The following SARDH variants were observed in gnomAD, a reference collection of about 807,000 sequenced individuals.
SARDH encodes sarcosine dehydrogenase.
In SARDH, 95 loss-of-function variants were observed where a neutral mutation model predicts 109.1. The ratio of observed to expected loss-of-function variants is 0.87; its 90% CI spans 0.74 to 1.03. The LOEUF is 1.03. SARDH is among the 50% of genes least tolerant of loss of function. The pLI, the probability that SARDH is intolerant of heterozygous loss-of-function variation, is 0.00. For missense variants in SARDH, 1,267 were observed against 1,287.8 expected, an observed-to-expected ratio of 0.98 and a Z score of 0.25; for synonymous variants, 572 against 534.8, an observed-to-expected ratio of 1.07 and a Z score of -0.96.
At chr9:133,711,642 C>A (rs1831922748) in intron 10 of SARDH, among the ~76,000 whole-genome samples, 1 of 152,148 alleles carries the variant, frequency 6.6e-6, no homozygotes, top group Non-Finnish European at 1.5e-5. Context: ...CCTCATCAGG[C>A]CAGGAAAGGA....
chr9:133,703,221 A>C, intron 12 of SARDH, 192 bp from the exon 13 acceptor site: 4 of 589,394 alleles, frequency 6.8e-6, no homozygotes, highest in Non-Finnish European at 6.1e-6. Context: ...CAGAGGCACA[A>C]AGGAGGCCGC....
chr9:133,685,616 C>T (rs1830858558), intron 16 of SARDH, among the ~76,000 whole-genome samples: 1 of 152,112 alleles, frequency 6.6e-6, no homozygotes, highest in African/African-American at 2.4e-5. Flanking sequence ...AGCCCACAGG[C>T]CAGGAGGAAC....
At chr9:133,727,772 C>A (rs755403070) in intron 6 of SARDH, among the ~76,000 whole-genome samples, 160 of 152,310 alleles carry the variant, frequency 1.1e-3, no homozygotes, top group Non-Finnish European at 1.5e-3. Flanking sequence ...AGTAACACCC[C>A]CTAGCTTCGC....
intron 20 of SARDH, among the ~76,000 whole-genome samples, chr9:133,665,455 T>G (rs777287825): frequency 4.1e-4 from 63 of 152,120 alleles, no homozygotes; most frequent in Non-Finnish European, 4.0e-4. Context: ...CCCCACATAT[T>G]AAGACTCACT....
At chr9:133,710,194 G>A (rs1379396902) in intron 10 of SARDH, among the ~76,000 whole-genome samples, 1 of 152,220 alleles carries the variant, frequency 6.6e-6, no homozygotes, top group Non-Finnish European at 1.5e-5. Flanking sequence ...GCGTCCACAC[G>A]CATGAGCCTC....
downstream of SARDH, among the ~76,000 whole-genome samples, chr9:133,661,832 C>T (rs1832420769): frequency 6.6e-6 from 1 of 152,192 alleles, no homozygotes; most frequent in Non-Finnish European, 1.5e-5. Flanking sequence ...AGGCAGTACT[C>T]AGCCACAGTG....
intron 17 of SARDH, among the ~76,000 whole-genome samples, chr9:133,680,856 G>A (rs951471850): frequency 3.3e-5 from 5 of 152,240 alleles, no homozygotes; most frequent in African/African-American, 9.6e-5. Context: ...GGAGAGGGAC[G>A]AGAAGCCAGT....
At chr9:133,687,396 A>T (rs530656205) in intron 16 of SARDH, among the ~76,000 whole-genome samples, 99 of 152,308 alleles carry the variant, frequency 6.5e-4, no homozygotes, top group Non-Finnish European at 4.0e-4. Flanking sequence ...TTGGGCTCCC[A>T]AGTAGCTGCG....
chr9:133,684,480 A>C (rs1830813878), intron 17 of SARDH, among the ~76,000 whole-genome samples: 1 of 152,208 alleles, frequency 6.6e-6, no homozygotes, highest in South Asian at 2.1e-4. Flanking sequence ...CGAGAAGTCA[A>C]AGCAGATGCC....
chr9:133,717,372 G>T lies in SARDH; in HGVS notation c.1104C>A (p.Val368=), dbSNP rs1832163786. Residue 368 remains valine, a synonymous_variant, in exon 8 of 21, where the codon GTC becomes GTA. Coordinates refer to ENST00000439388, the MANE Select transcript of SARDH (RefSeq NM_001134707.2). The stretch of plus-strand genomic sequence containing the variant: ...TGATTCCTGTCTTCTCCAGCACGGG[G>T]ACCCTGTTGATGGCGCCTTCAATGT... ...TQHIEGAINR[V]PVLEKTGIKS... 1 of 1,614,016 alleles carries T rather than the reference G, an allele frequency of 6.2e-7. No homozygotes were observed. Among genetic ancestry groups the T allele is most frequent in the African/African-American group, 1.3e-5 (1 of 74,926 alleles).
chr9:133,685,459 A>C (rs1830852268), intron 16 of SARDH, among the ~76,000 whole-genome samples, 173 bp from the exon 17 acceptor site: 1 of 152,226 alleles, frequency 6.6e-6, no homozygotes, highest in South Asian at 2.1e-4. Flanking sequence ...CCAAATATAC[A>C]TAAGACAGCC....
rs1461516388 is a variant in SARDH, at chr9:133,674,413, C to A, written c.2164-2716G>T. On this transcript the variant is annotated intron_variant, in intron 17 of 20. Transcript: ENST00000439388. ...GGTGGGCTCTGAAAGCCCCAAATTGCAAGATGGAACTCCTGGCCGTGGATG... is the reference window on the plus strand; with the variant it reads ...GGTGGGCTCTGAAAGCCCCAAATTGAAAGATGGAACTCCTGGCCGTGGATG... 2.0e-5 allele frequency among the ~76,000 whole-genome samples: 3 copies of A among 152,334 alleles called. No individual in the cohort carries two copies. The East Asian group carries it at 5.8e-4, about 29-fold the overall frequency.
rs541939694 is a variant in SARDH at position 133,716,797 on chromosome 9, G to A, written c.1150+529C>T. Among the ~76,000 whole-genome samples, 7 of 152,302 alleles carry A rather than the reference G, an allele frequency of 4.6e-5. No individual in the cohort carries two copies. The South Asian group carries it at 1.4e-3, about 32-fold the overall frequency. ...CTGAGCTGGCCTCCAGGTGCAAGCC[G>A]CCAAGAACAGGAGGGAGGCCAGCAG... On this transcript the variant is annotated intron_variant, in intron 8 of 20. Transcript: ENST00000439388.
chr9:133,673,128 G>C (rs1270267750), intron 17 of SARDH, among the ~76,000 whole-genome samples: 4 of 152,244 alleles, frequency 2.6e-5, no homozygotes, highest in Non-Finnish European at 5.9e-5. Flanking sequence ...CTTTGGGAGG[G>C]TGTGTCCCGC....
chr9:133,673,012 G>A (rs1350289940), intron 17 of SARDH, among the ~76,000 whole-genome samples: 1 of 152,240 alleles, frequency 6.6e-6, no homozygotes, highest in African/African-American at 2.4e-5. Context: ...CCTTGCAACG[G>A]TGGGAACACG....
Position 133,732,599 on chromosome 9 carries a change from G to A in SARDH, c.334C>T (p.Leu112=). Residue 112 remains leucine (L), a splice_region_variant and synonymous_variant, in exon 3 of 21, where the codon CTG becomes TTG. Coordinates refer to ENST00000439388, the MANE Select transcript of SARDH (RefSeq NM_001134707.2). The part of the protein sequence containing the change: ...TSGTTWHTAG[L]LWQLRPSDVE... The stretch of plus-strand genomic sequence containing the variant: ...TCACTGGGCCGCAGCTGCCACAGCA[G>A]GCCTGCCCGGGAGGGTGGGTGCCAT... The A allele has an allele frequency of 1.2e-6, 2 of 1,602,930 alleles. No homozygotes were observed. The highest frequency in any genetic ancestry group is 1.7e-5 in the Admixed American group (1 of 59,356).
At chr9:133,665,928 G>T (rs1830049600) in intron 20 of SARDH, among the ~76,000 whole-genome samples, 1 of 152,228 alleles carries the variant, frequency 6.6e-6, no homozygotes, top group South Asian at 2.1e-4. Flanking sequence ...CGTCAGATCG[G>T]CTCCCATGGA....
At position 133,734,084 on chromosome 9, in the gene SARDH, G is replaced by C. The variant is rs747936046; in HGVS notation, c.90C>G (p.Ser30Arg). The C allele has an allele frequency of 6.2e-7, 1 of 1,613,050 alleles. No individual in the cohort carries two copies. The highest frequency in any genetic ancestry group is 1.7e-5 in the Admixed American group (1 of 60,002). The part of the protein sequence containing the change: ...TRGMGPCNLS[S>R]AAGPTAEKSV... ...TCTTCTCGGCTGTGGGGCCAGCTGC[G>C]CTGGACAGGTTGCATGGCCCCATGC... is the stretch of plus-strand genomic sequence containing the variant. The change falls in exon 2 of 21, where the codon AGC becomes AGG. Residue 30 changes from serine to arginine, a missense_variant. Coordinates refer to ENST00000439388, the MANE Select transcript of SARDH (RefSeq NM_001134707.2).
rs558642178 is a variant in SARDH, at chr9:133,699,376, T to A, written c.1669-3015A>T. On this transcript the variant is annotated intron_variant, in intron 13 of 20. Coordinates refer to ENST00000439388, the MANE Select transcript of SARDH (RefSeq NM_001134707.2). The stretch of plus-strand genomic sequence containing the variant: ...ACAAAATTAGCTGGGCGTGGTGGTG[T>A]GCACCTGTAATCCCAGCTACTGAGG... Among the ~76,000 whole-genome samples, 24 of 151,866 alleles carry A rather than the reference T, an allele frequency of 1.6e-4. No homozygotes were observed. The East Asian group carries it at 4.3e-3, about 27-fold the overall frequency.
Sources: allele counts gnomAD v4.1 joint callset (sites outside exome capture counted in the v4.1 genomes callset), GRCh38; gene constraint gnomAD v4.1.1; transcripts MANE v1.5; gene names NCBI Gene and HGNC (gene_info 2026-07-23, HGNC 2026-07-21).